Variants in RBFOX1 observed in about 807,000 individuals in gnomAD.
RBFOX1 encodes RNA binding fox-1 homolog 1, also known as RNA binding protein fox-1 homolog 1.
RBFOX1 carries 8 observed loss-of-function variants against 57.7 expected under a neutral mutation model. That is an observed-to-expected ratio of 0.14 (90% CI 0.08 to 0.25). The LOEUF is 0.25. RBFOX1 is among the 10% of genes least tolerant of loss of function. The probability of loss-of-function intolerance (pLI) is 1.00; values close to 1 mark genes in which losing one functional copy is unlikely to be tolerated. For synonymous variants in RBFOX1, 326 were observed against 222.4 expected, an observed-to-expected ratio of 1.47 and a Z score of -4.15; for missense variants, 611 against 548.5, an observed-to-expected ratio of 1.11 and a Z score of -1.14.
chr16:5,865,990 G>A (rs188673037), intron 3 of RBFOX1, among the ~76,000 whole-genome samples: 289 of 152,070 alleles, frequency 1.9e-3, no homozygotes, highest in African/African-American at 6.6e-3. Flanking sequence ...TTTTTAAGAC[G>A]GAGTTTCATT....
intron 11 of RBFOX1, among the ~76,000 whole-genome samples, chr16:7,649,791 C>T (rs1026211966): frequency 5.3e-5 from 8 of 152,122 alleles, no homozygotes; most frequent in African/African-American, 1.4e-4. Context: ...CTTGCATGCA[C>T]GCACCAGTAA....
intron 2 of RBFOX1, among the ~76,000 whole-genome samples, chr16:5,504,536 C>T (rs2043311303): frequency 6.6e-6 from 1 of 152,236 alleles, no homozygotes; most frequent in Non-Finnish European, 1.5e-5. Context: ...ATAGGCTCTG[C>T]TGACGCCCTC....
At chr16:7,394,986 G>C (rs981031633) in intron 4 of RBFOX1, among the ~76,000 whole-genome samples, 1 of 152,156 alleles carries the variant, frequency 6.6e-6, no homozygotes, top group African/African-American at 2.4e-5. Context: ...GCCTGTGTAC[G>C]TGCTGAGGAA....
intron 3 of RBFOX1, among the ~76,000 whole-genome samples, chr16:6,993,677 A>T (rs1401536485): frequency 6.6e-6 from 1 of 152,190 alleles, no homozygotes; most frequent in Non-Finnish European, 1.5e-5. Context: ...ATTTGTGTGC[A>T]TTAGGTAATA....
chr16:7,100,027 C>G (rs527546044), intron 4 of RBFOX1, among the ~76,000 whole-genome samples: 2 of 151,606 alleles, frequency 1.3e-5, no homozygotes. Flanking sequence ...TTAGATTGCC[C>G]TGGTCGAGGA....
At chr16:6,654,438 C>G (rs1253405428) in intron 2 of RBFOX1, among the ~76,000 whole-genome samples, 165 bp from the exon 3 acceptor site, 4 of 152,112 alleles carry the variant, frequency 2.6e-5, no homozygotes, top group Non-Finnish European at 5.9e-5. Flanking sequence ...GCAGTATGTA[C>G]CTTTAAAAAG....
Position 7,710,709 on chromosome 16 carries a change from A to G in RBFOX1, c.1158A>G (p.Ile386Met). ...TTCTTTCTTCATTGCAGGCTAGTAT[A>G]TACCGAGGGGGATACAACCGTTTTG... Reference protein sequence around the residue: ...GLVLSSLQASIYRGGYNRFAP... With the variant: ...GLVLSSLQASMYRGGYNRFAP... Residue 386 changes from isoleucine (I) to methionine (M), a missense_variant, in exon 16 of 16, where the codon ATA (isoleucine) becomes ATG (methionine). Ile to Met is a conservative substitution (Grantham distance 10). This residue lies in a region of RBFOX1 where 267 missense variants were observed against 229.1 expected (regional missense o/e 1.17). Coordinates refer to ENST00000550418, the MANE Select transcript of RBFOX1 (RefSeq NM_018723.4). 2 of 1,610,104 alleles carry G rather than the reference A, an allele frequency of 1.2e-6. No individual in the cohort carries two copies. The highest frequency in any genetic ancestry group is 8.5e-7 in the Non-Finnish European group (1 of 1,178,182).
chr16:5,366,930 A>T (rs2065733509), intron 1 of RBFOX1, among the ~76,000 whole-genome samples: 1 of 152,244 alleles, frequency 6.6e-6, no homozygotes, highest in Admixed American at 6.5e-5. Context: ...AGGACATAGT[A>T]ATAGCAGTGG....
chr16:6,183,156 C>G (rs1337566304), intron 1 of RBFOX1, among the ~76,000 whole-genome samples: 1 of 151,974 alleles, frequency 6.6e-6, no homozygotes, highest in Non-Finnish European at 1.5e-5. Context: ...GTATTAAAAA[C>G]AATGTATTAA....
chr16:5,613,235 C>G (rs1045556751), intron 3 of RBFOX1, among the ~76,000 whole-genome samples: 7 of 152,194 alleles, frequency 4.6e-5, no homozygotes, highest in African/African-American at 1.7e-4. Flanking sequence ...TCCCCACACC[C>G]AACATGTGGG....
chr16:5,915,600 G>C (rs940948481), intron 4 of RBFOX1, among the ~76,000 whole-genome samples: 1 of 152,152 alleles, frequency 6.6e-6, no homozygotes, highest in African/African-American at 2.4e-5. Flanking sequence ...GGGAGGTCAA[G>C]GTGGGCAGAT....
intron 4 of RBFOX1, among the ~76,000 whole-genome samples, chr16:7,221,344 ATTATTTAT>A (rs540158760): frequency 5.2e-5 from 6 of 114,734 alleles, no homozygotes; most frequent in Non-Finnish European, 1.0e-4. Flanking sequence ...TTTTTATTTG[ATTATTTAT>A]TTATTTATTT....
chr16:5,570,544 T>C (rs2046246230), intron 2 of RBFOX1, among the ~76,000 whole-genome samples: 2 of 152,170 alleles, frequency 1.3e-5, no homozygotes, highest in African/African-American at 4.8e-5. Context: ...ATCTTGGGCA[T>C]TACAAGCATT....
At chr16:7,674,389 T>G (rs2072611209) in intron 13 of RBFOX1, among the ~76,000 whole-genome samples, 1 of 152,176 alleles carries the variant, frequency 6.6e-6, no homozygotes, top group South Asian at 2.1e-4. Flanking sequence ...AGTTCAATAG[T>G]CATTTACTAG....
rs116400212 is a variant in RBFOX1 at position 7,704,937 on chromosome 16, C to T, written c.996-4119C>T. On this transcript the variant is annotated intron_variant, in intron 14 of 15. Coordinates refer to ENST00000550418, the MANE Select transcript of RBFOX1 (RefSeq NM_018723.4). Reference sequence around the variant, plus strand: ...TGATGGGCGCCTGTAATCCCAGCAACTGGGGAGGCTGAGGCAGAATCGCTT... The same window carrying T: ...TGATGGGCGCCTGTAATCCCAGCAATTGGGGAGGCTGAGGCAGAATCGCTT... 7.2e-3 allele frequency among the ~76,000 whole-genome samples: 1,088 copies of T among 151,674 alleles called. 13 individuals carry two copies. Among genetic ancestry groups the T allele is most frequent in the African/African-American group, 0.023 (962 of 41,324 alleles).
intron 1 of RBFOX1, among the ~76,000 whole-genome samples, chr16:6,291,064 C>T (rs1219262772): frequency 1.3e-5 from 2 of 152,274 alleles, no homozygotes; most frequent in East Asian, 3.9e-4. Flanking sequence ...GCTGATGTTG[C>T]CATGGCATCT....
intron 4 of RBFOX1, among the ~76,000 whole-genome samples, chr16:7,413,668 C>A (rs909048697): frequency 1.3e-5 from 2 of 151,902 alleles, no homozygotes; most frequent in Non-Finnish European, 2.9e-5. Context: ...ACATAAATGT[C>A]AAAAAAGTAT....
chr16:6,561,091 T>TA (rs1243301121), intron 2 of RBFOX1, among the ~76,000 whole-genome samples: 7 of 152,218 alleles, frequency 4.6e-5, no homozygotes, highest in Non-Finnish European at 1.0e-4. Context: ...TCATTAGTGC[T>TA]GTTTTAATTT....
intron 2 of RBFOX1, among the ~76,000 whole-genome samples, chr16:6,377,273 CAAAAAA>C (rs57044618): frequency 1.1e-5 from 1 of 88,556 alleles, no homozygotes. Flanking sequence ...GACCCTGTCT[CAAAAAA>C]AAAAAAAAAA....
Sources: gnomAD v4.1 joint callset for allele counts (sites outside exome capture counted in the v4.1 genomes callset) on GRCh38, gnomAD v4.1.1 for gene constraint, gnomAD v4.1.1 regional missense constraint, MANE v1.5 for transcripts, NCBI Gene and HGNC (gene_info 2026-07-23, HGNC 2026-07-21) for gene names.